ASH1L: variants seen among roughly 807,000 people sequenced by gnomAD.
ASH1L encodes histone-lysine N-methyltransferase ASH1L.
A neutral mutation model predicts 269.0 loss-of-function variants in ASH1L; 23 were observed. That is an observed-to-expected ratio of 0.09 (90% confidence interval 0.06 to 0.12). ASH1L has a LOEUF of 0.12. ASH1L is among the 10% of genes least tolerant of loss of function. The probability of loss-of-function intolerance (pLI) is 1.00; values close to 1 mark genes in which losing one functional copy is unlikely to be tolerated. For missense variants in ASH1L, 2,912 were observed against 3,567.8 expected (o/e 0.82, Z 4.68); for synonymous variants, 1,187 against 1,253.5 (o/e 0.95, Z 1.12).
At chr1:155,380,626 G>C (rs1017809834) in intron 7 of ASH1L, among the ~76,000 whole-genome samples, 4 of 151,406 alleles carry the variant, frequency 2.6e-5, no homozygotes, top group African/African-American at 9.7e-5. Flanking sequence ...GCCTTAAAAA[G>C]AATGAAATTC....
Position 155,478,015 on chromosome 1 carries a change from G to A in ASH1L, c.4855C>T (p.Pro1619Ser). 2 of 1,614,194 alleles carry A rather than the reference G, an allele frequency of 1.2e-6. No individual in the cohort carries two copies. The change falls in exon 3 of 28, where the codon CCT (proline) becomes TCT (serine). Residue 1619 changes from proline to serine, a missense_variant. By Grantham distance (74) the Pro-to-Ser change is moderately conservative (BLOSUM62 -1). Around this residue, in one of 13 missense-constraint regions of ASH1L, gnomAD observed 789 missense variants for 897.6 expected, o/e 0.88. Transcript: ENST00000392403. The surrounding 1 kb of genome is among the most constrained non-coding windows in gnomAD (Gnocchi z 4.6). ...AATTTCTTCCGGCCACTGGAGTTAG[G>A]GTTTGAAACTCTGCAGCTGCCTATT... ...SAIGSCRVSN[P>S]NSSGRKKLTD...
rs955323855 is a variant in ASH1L at position 155,532,939 on chromosome 1, G to C, written c.-99-11321C>G. Among the ~76,000 whole-genome samples the C allele has an allele frequency of 4.6e-5, 6 of 130,320 alleles. No individual in the cohort carries two copies. In the East Asian group the frequency reaches 1.3e-3, roughly 28 times the overall value. The allele number at this position is 130,320 out of a possible 152,430, so 85.5% of individuals were successfully genotyped here. ...TGTGTATATATGTGTGCATATATAT[G>C]TGTGTGTGTGTATATATATATGGGG... On this transcript the variant is annotated intron_variant, in intron 1 of 27. Coordinates refer to ENST00000392403, the MANE Select transcript of ASH1L (RefSeq NM_018489.3).
At chr1:155,355,932 C>CTTTTT (rs1654341603) in intron 15 of ASH1L, among the ~76,000 whole-genome samples, 1 of 120,080 alleles carries the variant, frequency 8.3e-6, no homozygotes, top group African/African-American at 3.2e-5. Context: ...TTTTTTTTTG[C>CTTTTT]TTTTTGTTTT....
chr1:155,551,094 T>C (rs1485004714), intron 1 of ASH1L, among the ~76,000 whole-genome samples: 2 of 152,180 alleles, frequency 1.3e-5, no homozygotes, highest in African/African-American at 2.4e-5. Flanking sequence ...GTCCTGGGAT[T>C]ACAGGGGAGA....
At chr1:155,356,528 G>A (rs142915277) in intron 15 of ASH1L, among the ~76,000 whole-genome samples, 15,005 of 151,358 alleles carry the variant, frequency 0.099, 998 homozygotes, top group Non-Finnish European at 0.15. Flanking sequence ...CCAGCTACTC[G>A]GGAGGCTGAG....
At chr1:155,536,327 C>T (rs1670054799) in intron 1 of ASH1L, among the ~76,000 whole-genome samples, 2 of 152,120 alleles carry the variant, frequency 1.3e-5, no homozygotes, top group African/African-American at 4.8e-5. Flanking sequence ...AAGACTTTAG[C>T]TTTTACTTTG....
chr1:155,537,027 G>C (rs575637575), intron 1 of ASH1L, among the ~76,000 whole-genome samples: 8 of 148,500 alleles, frequency 5.4e-5, no homozygotes, highest in African/African-American at 2.0e-4. Flanking sequence ...CCTGGCGACA[G>C]AGCAAGACTC....
intron 2 of ASH1L, among the ~76,000 whole-genome samples, chr1:155,499,666 T>C (rs753400159): frequency 6.6e-6 from 1 of 152,214 alleles, no homozygotes; most frequent in Non-Finnish European, 1.5e-5. Flanking sequence ...TGTGTAATTA[T>C]TGAGCAGCCG....
intron 6 of ASH1L, among the ~76,000 whole-genome samples, chr1:155,397,322 C>A (rs1658443058): frequency 6.6e-6 from 1 of 151,628 alleles, no homozygotes; most frequent in Admixed American, 6.6e-5. Flanking sequence ...TGTGATAAAA[C>A]CCTGTCTCTA....
rs144406520 is a variant in ASH1L at position 155,473,185 on chromosome 1, T to C, written c.4984+4701A>G. Among the ~76,000 whole-genome samples, 26 of 152,314 alleles carry C rather than the reference T, an allele frequency of 1.7e-4. 1 individual carries two copies. The highest frequency in any genetic ancestry group is 5.8e-4 in the African/African-American group (24 of 41,562). ...AAGGAGTACACCAACACAAACTAAA[T>C]GAAGAAAGCCATAAGCAATGTAGTT... On this transcript the variant is annotated intron_variant, in intron 3 of 27. Coordinates refer to ENST00000392403, the MANE Select transcript of ASH1L (RefSeq NM_018489.3).
rs190349384 is a variant in ASH1L, at chr1:155,550,087, C to A, written c.-100+12066G>T. On this transcript the variant is annotated intron_variant, in intron 1 of 27. Coordinates refer to ENST00000392403, the MANE Select transcript of ASH1L (RefSeq NM_018489.3). The stretch of plus-strand genomic sequence containing the variant: ...CCAAGCTGGAGTGCCGTGGCGTAAT[C>A]TCAGTTCACTGCAATCTCCACCTCC... 1.7e-3 allele frequency among the ~76,000 whole-genome samples: 259 copies of A among 152,066 alleles called. 2 individuals are homozygous for A. The highest frequency in any genetic ancestry group is 2.9e-3 in the Non-Finnish European group (194 of 68,014).
chr1:155,378,527 G>C lies in ASH1L; in HGVS notation c.6199C>G (p.Pro2067Ala). 6.2e-7 allele frequency: 1 copy of C among 1,612,998 alleles called. No individual in the cohort carries two copies. Among genetic ancestry groups the C allele is most frequent in the Non-Finnish European group, 8.5e-7 (1 of 1,179,606 alleles). The change falls in exon 9 of 28, where the codon CCA becomes GCA. Residue 2067 changes from proline to alanine, a missense_variant. Around this residue, in one of 13 missense-constraint regions of ASH1L, gnomAD observed 193 missense variants for 311.6 expected, o/e 0.62. Coordinates refer to ENST00000392403, the MANE Select transcript of ASH1L (RefSeq NM_018489.3). ...CTTGAACGAATTTTCTTATATAGTG[G>C]GACATCTGGCTTTTTGTATAGCTAG... ...HNQLYKKPDV[P>A]LYKKIRSNVY...
intron 21 of ASH1L, 107 bp downstream of exon 21, chr1:155,346,276 G>A (rs1166493183): frequency 1.3e-6 from 2 of 1,553,166 alleles, no homozygotes; most frequent in Non-Finnish European, 1.8e-6. Flanking sequence ...CAGAGAGGCT[G>A]AACAACCTAT....
intron 1 of ASH1L, among the ~76,000 whole-genome samples, chr1:155,533,704 C>A (rs1019128774): frequency 3.4e-5 from 5 of 147,312 alleles, no homozygotes; most frequent in Non-Finnish European, 5.9e-5. Context: ...GATGACAGAG[C>A]GAGACTCCGT....
At chr1:155,545,856 A>G (rs1007501975) in intron 1 of ASH1L, among the ~76,000 whole-genome samples, 1 of 152,006 alleles carries the variant, frequency 6.6e-6, no homozygotes, top group South Asian at 2.1e-4. Flanking sequence ...CCCCATCTCC[A>G]TTAAAAACAT....
In ASH1L at chr1:155,343,164, A is replaced by G. The variant is rs1046511344; in HGVS notation, c.8293+150T>C. 5.4e-6 allele frequency: 4 copies of G among 744,166 alleles called. No homozygotes were observed. Among genetic ancestry groups the G allele is most frequent in the Admixed American group, 3.0e-5 (1 of 33,636 alleles). The allele number at this position is 744,166 out of a possible 1,614,324, so 46.1% of individuals were successfully genotyped here. ...GGCCTACACTGCCATGCCCAGCTACAGAGGCAGAGTTTTGCCACGTTGGCC... is the reference window on the plus strand; with the variant it reads ...GGCCTACACTGCCATGCCCAGCTACGGAGGCAGAGTTTTGCCACGTTGGCC... On this transcript the variant is annotated intron_variant, in intron 24 of 27. Coordinates refer to ENST00000392403, the MANE Select transcript of ASH1L (RefSeq NM_018489.3). The surrounding 1 kb of genome is among the most constrained non-coding windows in gnomAD (Gnocchi z 6.1).
In ASH1L at chr1:155,481,306, G is replaced by C; in HGVS notation, c.1564C>G (p.Gln522Glu). Residue 522 changes from glutamine (Q) to glutamate (E), a missense_variant, in exon 3 of 28, where the codon CAG becomes GAG. By Grantham distance (29) the Gln-to-Glu change is conservative. Transcript: ENST00000392403. ...GSYETSKHEK[Q>E]PPVYCTSPDF... ...GGAGAAGTGCAATATACAGGAGGCT[G>C]CTTTTCATGCTTTGAGGTTTCATAA... is the stretch of plus-strand genomic sequence containing the variant. The C allele has an allele frequency of 1.9e-6, 3 of 1,614,126 alleles. No individual in the cohort carries two copies. Among genetic ancestry groups the C allele is most frequent in the Non-Finnish European group, 2.5e-6 (3 of 1,179,998 alleles).
chr1:155,511,640 G>A (rs567441355), intron 2 of ASH1L, among the ~76,000 whole-genome samples: 2 of 152,198 alleles, frequency 1.3e-5, no homozygotes, highest in South Asian at 4.1e-4. Flanking sequence ...TGAGTCACTG[G>A]GACTACAGGC....
At chr1:155,352,681 C>A (rs374371536) in intron 17 of ASH1L, 25 bp downstream of exon 17, 2 of 1,548,222 alleles carry the variant, frequency 1.3e-6, no homozygotes, top group South Asian at 1.2e-5. Flanking sequence ...AAAAAAAGAA[C>A]GAATTTGAAG....
Sources: gnomAD v4.1 joint callset for allele counts (sites outside exome capture counted in the v4.1 genomes callset) on GRCh38, gnomAD v4.1.1 for gene constraint, gnomAD v4.1.1 regional missense constraint, Gnocchi (gnomAD v3.1) non-coding constraint, MANE v1.5 for transcripts, NCBI Gene and HGNC (gene_info 2026-07-23, HGNC 2026-07-21) for gene names.